Variants in IFT140 observed in about 807,000 individuals in gnomAD.
IFT140 encodes the protein intraflagellar transport protein 140 homolog.
A neutral mutation model predicts 164.6 loss-of-function variants in IFT140; 133 were observed. The ratio of observed to expected loss-of-function variants is 0.81; its 90% CI spans 0.70 to 0.93. The LOEUF is 0.93. Ranked by LOEUF, IFT140 falls within the 40% of genes least tolerant of loss-of-function variation. The pLI is 0.00. For missense variants in IFT140, 2,045 were observed against 1,972.3 expected (o/e 1.04, Z -0.70); for synonymous variants, 860 against 817.3 (o/e 1.05, Z -0.89).
intron 15 of IFT140, 139 bp downstream of exon 15, chr16:1,568,078 G>C: frequency 1.5e-6 from 1 of 650,390 alleles, no homozygotes; most frequent in South Asian, 1.8e-5. Context: ...GGAGACGAGG[G>C]GAAGGAGAGT....
chr16:1,521,103 C>A (rs1328926839), intron 26 of IFT140, among the ~76,000 whole-genome samples: 3 of 152,188 alleles, frequency 2.0e-5, no homozygotes, highest in Non-Finnish European at 4.4e-5. Context: ...TGGTAATTTT[C>A]TTCTATAATT....
intron 29 of IFT140, among the ~76,000 whole-genome samples, chr16:1,519,514 T>C (rs1267010746): frequency 2.0e-5 from 3 of 152,084 alleles, no homozygotes; most frequent in Non-Finnish European, 4.4e-5. Context: ...CTGGTCACCA[T>C]GGTCCCCCAA....
rs532783649 is a variant in IFT140 at position 1,568,547 on chromosome 16, A to T, written c.1653-213T>A. 2.6e-5 allele frequency among the ~76,000 whole-genome samples: 4 copies of T among 152,318 alleles called. No homozygotes were observed. In the South Asian group the frequency reaches 8.3e-4, roughly 32 times the overall value. On this transcript the variant is annotated intron_variant, in intron 14 of 30. Transcript: ENST00000426508. ...ACTCTTACGAACAAGGACGAATATG[A>T]GTGCTTCGTCCCCTTCCTCTTGTTC...
At chr16:1,590,406 C>T (rs574056789) in intron 6 of IFT140, among the ~76,000 whole-genome samples, 12 of 152,154 alleles carry the variant, frequency 7.9e-5, no homozygotes, top group East Asian at 3.9e-4. Context: ...ACCCTCCACA[C>T]GCTGAGGCCC....
intron 3 of IFT140, among the ~76,000 whole-genome samples, chr16:1,606,035 A>C (rs966329688): frequency 1.3e-5 from 2 of 152,200 alleles, no homozygotes; most frequent in Non-Finnish European, 2.9e-5. Flanking sequence ...GCCAGGGAGC[A>C]CCAAGGCTTG....
chr16:1,534,208 TC>T, intron 19 of IFT140: 1 of 1,583,558 alleles, frequency 6.3e-7, no homozygotes. Flanking sequence ...GCGTCGGCTC[TC>T]CCTGGACGTG....
At chr16:1,571,867 G>A (rs2034033561) in intron 13 of IFT140, among the ~76,000 whole-genome samples, 1 of 152,182 alleles carries the variant, frequency 6.6e-6, no homozygotes, top group Admixed American at 6.5e-5. Context: ...GTGCCATGTA[G>A]GTAAAGAATG....
chr16:1,516,686 C>T (rs1253848468), intron 30 of IFT140, among the ~76,000 whole-genome samples: 1 of 148,112 alleles, frequency 6.8e-6, no homozygotes, highest in Non-Finnish European at 1.5e-5. Context: ...AGGAGAATGG[C>T]GTGAACCCGG....
intron 19 of IFT140, chr16:1,542,174 C>T: frequency 1.5e-6 from 2 of 1,344,914 alleles, no homozygotes; most frequent in South Asian, 1.5e-5. Flanking sequence ...TGGGGGGAAG[C>T]TGCAGGCCAT....
chr16:1,522,924 T>G (rs1046004769), intron 26 of IFT140, among the ~76,000 whole-genome samples: 1 of 152,094 alleles, frequency 6.6e-6, no homozygotes, highest in African/African-American at 2.4e-5. Flanking sequence ...TATTTCCATT[T>G]GAATAAACTG....
At chr16:1,541,918 C>T (rs1309762455) in intron 19 of IFT140, 1 of 1,590,818 alleles carries the variant, frequency 6.3e-7, no homozygotes, top group African/African-American at 1.3e-5. Context: ...TCTTGGCCCA[C>T]AGTGCAGTTC....
intron 24 of IFT140, 134 bp from the exon 25 acceptor site, chr16:1,524,090 G>T: frequency 8.6e-7 from 1 of 1,157,810 alleles, no homozygotes; most frequent in Non-Finnish European, 1.2e-6. Context: ...GCGGTGATGG[G>T]TTTTAAGGAG....
Position 1,566,285 on chromosome 16 carries a change from TGTC to T in IFT140, c.1774_1776del (p.Asp592del), listed in dbSNP as rs2033712703. The T allele has an allele frequency of 1.1e-5, 18 of 1,613,316 alleles. No individual in the cohort carries two copies. Among genetic ancestry groups the T allele is most frequent in the Non-Finnish European group, 1.5e-5 (18 of 1,179,402 alleles). ...AAGCAGATTTTGGAATCAGGGCTGT[TGTC>T]AGCCTAGGAGAAGAGAAAACCAGAA... On this transcript the variant is annotated inframe_deletion, in exon 16 of 31. Coordinates refer to ENST00000426508, the MANE Select transcript of IFT140 (RefSeq NM_014714.4).
intron 19 of IFT140, chr16:1,530,721 C>A (rs1036035840): frequency 2.6e-5 from 4 of 151,670 alleles, no homozygotes; most frequent in African/African-American, 9.8e-5. Context: ...GAGAGCCCGC[C>A]CGTGGGGAGC....
intron 13 of IFT140, 76 bp from the exon 14 acceptor site, chr16:1,571,610 C>A: frequency 7.1e-7 from 1 of 1,416,806 alleles, no homozygotes; most frequent in Non-Finnish European, 9.7e-7. Context: ...CTTGTACACA[C>A]AAGAAATGGA....
Position 1,510,922 on chromosome 16 carries a change from C to T in IFT140, c.*22G>A, listed in dbSNP as rs2040119178. ...GAAGATGCCTTTCTGCAGCAGCACG[C>T]TGGTCCTGGGGCCCAGGCCCCTCAG... On this transcript the variant is annotated 3_prime_UTR_variant, in exon 31 of 31. Coordinates refer to ENST00000426508, the MANE Select transcript of IFT140 (RefSeq NM_014714.4). The T allele has an allele frequency of 3.1e-6, 5 of 1,603,428 alleles. No individual in the cohort carries two copies. Among genetic ancestry groups the T allele is most frequent in the Non-Finnish European group, 4.3e-6 (5 of 1,174,578 alleles).
At position 1,597,772 on chromosome 16, in the gene IFT140, T is replaced by C. The variant is rs77563336; in HGVS notation, c.369+4598A>G. The stretch of plus-strand genomic sequence containing the variant: ...TTTCATTTTATGCCTGGATAATCTA[T>C]TTTGCTAGCTGTTTCTATCTTTCTT... On this transcript the variant is annotated intron_variant, in intron 4 of 30. Coordinates refer to ENST00000426508, the MANE Select transcript of IFT140 (RefSeq NM_014714.4). Among the ~76,000 whole-genome samples, 873 of 152,312 alleles carry C rather than the reference T, an allele frequency of 5.7e-3. 6 individuals are homozygous for C. The highest frequency in any genetic ancestry group is 0.02 in the African/African-American group (827 of 41,558).
chr16:1,544,680 G>A (rs991235737), intron 19 of IFT140, among the ~76,000 whole-genome samples: 16 of 151,026 alleles, frequency 1.1e-4, no homozygotes, highest in African/African-American at 2.7e-4. Flanking sequence ...ATGGAGTCTC[G>A]CCCTGTGGCC....
chr16:1,586,709 T>A (rs963261303), intron 9 of IFT140, among the ~76,000 whole-genome samples: 1 of 152,184 alleles, frequency 6.6e-6, no homozygotes, highest in African/African-American at 2.4e-5. Flanking sequence ...TGAGCAGGAA[T>A]CGGTTTGCTT....
Sources: gnomAD v4.1 joint callset for allele counts (sites outside exome capture counted in the v4.1 genomes callset) on GRCh38, gnomAD v4.1.1 for gene constraint, MANE v1.5 for transcripts, NCBI Gene and HGNC (gene_info 2026-07-23, HGNC 2026-07-21) for gene names.